GMPPA: variants seen among roughly 807,000 people sequenced by gnomAD.
GMPPA encodes mannose-1-phosphate guanylyltransferase regulatory subunit alpha.
A neutral mutation model predicts 58.6 loss-of-function variants in GMPPA; 46 were observed. The ratio of observed to expected loss-of-function variants is 0.78; its 90% CI spans 0.62 to 1.00. The LOEUF (loss-of-function observed/expected upper bound fraction) is 1.00. GMPPA is among the 50% of genes least tolerant of loss of function. GMPPA has a pLI of 0.00. For synonymous variants in GMPPA, 211 were observed against 214.9 expected (o/e 0.98, Z 0.16); for missense variants, 468 against 556.4 (o/e 0.84, Z 1.60).
chr2:219,500,321 G>A lies in GMPPA; in HGVS notation c.138+103G>A, dbSNP rs1446932397. On this transcript the variant is annotated intron_variant, in intron 3 of 12. Transcript: ENST00000313597. Reference sequence around the variant, plus strand: ...TCTTCCCACCAGGCATAACTCCAAGGACCATCATTCACAGATGACAATGTG... The same window carrying A: ...TCTTCCCACCAGGCATAACTCCAAGAACCATCATTCACAGATGACAATGTG... 6 of 727,472 alleles carry A rather than the reference G, an allele frequency of 8.2e-6. No individual in the cohort carries two copies. The African/African-American group carries it at 1.0e-4, about 13-fold the overall frequency. The allele number at this position is 727,472 out of a possible 1,614,324, so 45.1% of individuals were successfully genotyped here.
Position 219,505,962 on chromosome 2 carries a change from G to A in GMPPA, c.901-18G>A, listed in dbSNP as rs780025515. ...TCCAAGTCCCTCCAGGGCTTATGGT[G>A]TGTGCTTCTCTCCACAGCTGGGCCC... On this transcript the variant is annotated intron_variant, in intron 10 of 12. Transcript: ENST00000313597. 2 of 1,523,512 alleles carry A rather than the reference G, an allele frequency of 1.3e-6. No homozygotes were observed. The highest frequency in any genetic ancestry group is 1.2e-5 in the South Asian group (1 of 83,292). The allele number at this position is 1,523,512 out of a possible 1,614,324, so 94.4% of individuals were successfully genotyped here.
chr2:219,499,935 T>G lies in GMPPA; in HGVS notation c.-20-21T>G, dbSNP rs764328707. The G allele has an allele frequency of 2.5e-6, 4 of 1,600,840 alleles. No homozygotes were observed. The South Asian group carries it at 4.4e-5, about 18-fold the overall frequency. On this transcript the variant is annotated intron_variant, in intron 1 of 12. Transcript: ENST00000313597. ...GTTGGGGTAGGAGATCTGAGCTTGA[T>G]TTCTCTGTTGGAATTTGAAGTTTAG...
chr2:219,502,390 G>A lies in GMPPA; in HGVS notation c.438G>A (p.Arg146=). 6.2e-7 allele frequency: 1 copy of A among 1,613,934 alleles called. No homozygotes were observed. Residue 146 remains arginine, a synonymous_variant, in exon 6 of 13, where the codon AGG becomes AGA. Transcript: ENST00000313597. This position sits in a 1 kb window ranked among gnomAD's most constrained non-coding sequence, Gnocchi z 4.0. ...GTGTGTCTGTCTTTCAGGCTAACAGGACGCAATCCCTCAACTACGGCTGCA... is the reference window on the plus strand; with the variant it reads ...GTGTGTCTGTCTTTCAGGCTAACAGAACGCAATCCCTCAACTACGGCTGCA... ...PFLLLGTTAN[R]TQSLNYGCIV...
intron 3 of GMPPA, 27 bp from the exon 4 acceptor site, chr2:219,501,449 C>T (rs757238942): frequency 1.3e-5 from 17 of 1,272,204 alleles, no homozygotes; most frequent in Non-Finnish European, 2.0e-5. Flanking sequence ...AGATATTCTT[C>T]ATCCCAGCCT....
rs751572573 is a variant in GMPPA, at chr2:219,506,382, C to A, written c.1122C>A (p.Leu374=). 6.2e-7 allele frequency: 1 copy of A among 1,613,496 alleles called. No individual in the cohort carries two copies. Among genetic ancestry groups the A allele is most frequent in the Non-Finnish European group, 8.5e-7 (1 of 1,179,962 alleles). Residue 374 remains leucine, a synonymous_variant, in exon 12 of 13, where the codon CTC becomes CTA. Transcript: ENST00000313597. The stretch of plus-strand genomic sequence containing the variant: ...GAGCCCGCATGGACAGTGAGAGCCT[C>A]TTCAAGGACGGGAAGCTGCTGCCTG... The part of the protein sequence containing the change: ...DPRARMDSES[L]FKDGKLLPAI...
At chr2:219,500,911 T>TACCCCACCA (rs1694367118) in intron 3 of GMPPA, 2 of 154,368 alleles carry the variant, frequency 1.3e-5, no homozygotes, top group Admixed American at 6.3e-5. Flanking sequence ...TTCAGGTTGG[T>TACCCCACCA]GGGGGTAATA....
At chr2:219,500,278 C>A in intron 3 of GMPPA, 60 bp downstream of exon 3, 2 of 920,764 alleles carry the variant, frequency 2.2e-6, no homozygotes, top group Non-Finnish European at 1.7e-6. Context: ...GCTGTTTCCC[C>A]CTTTCCCAAC....
intron 6 of GMPPA, 30 bp from the exon 7 acceptor site, chr2:219,504,053 T>C: frequency 6.2e-7 from 1 of 1,613,546 alleles, no homozygotes. Context: ...AGTCCCTTCT[T>C]CTACTGAACC....
At chr2:219,501,802 A>T in intron 4 of GMPPA, 49 bp from the exon 5 acceptor site, 1 of 1,552,432 alleles carries the variant, frequency 6.4e-7, no homozygotes, top group Non-Finnish European at 8.9e-7. Flanking sequence ...GGCTCATGGT[A>T]TCTGTTTCCT....
intron 7 of GMPPA, 182 bp downstream of exon 7, chr2:219,504,395 TC>T: frequency 1.6e-6 from 1 of 606,332 alleles, no homozygotes; most frequent in Non-Finnish European, 2.9e-6. Flanking sequence ...CTGTCCCTCT[TC>T]CTTATCCATC....
chr2:219,500,907 TTGG>T (rs1694366634), intron 3 of GMPPA: 2 of 154,664 alleles, frequency 1.3e-5, no homozygotes, highest in Admixed American at 6.3e-5. Flanking sequence ...CCAGTTCAGG[TTGG>T]TGGGGGTAAT....
chr2:219,501,830 C>G, intron 4 of GMPPA, 21 bp from the exon 5 acceptor site: 1 of 1,611,062 alleles, frequency 6.2e-7, no homozygotes, highest in South Asian at 1.1e-5. Context: ...ACTGAGCTGG[C>G]TCTCGGGTCC....
chr2:219,505,188 C>T (rs777318631), intron 7 of GMPPA, 40 bp from the exon 8 acceptor site: 40 of 1,605,992 alleles, frequency 2.5e-5, no homozygotes, highest in Middle Eastern at 3.3e-4. Flanking sequence ...AGTCGGGGCT[C>T]AGCTGGGGGA....
intron 12 of GMPPA, 25 bp from the exon 13 acceptor site, chr2:219,506,673 C>T (rs1694605799): frequency 7.2e-7 from 1 of 1,382,568 alleles, no homozygotes. Context: ...CATGACCTCC[C>T]CTGGTGCCCT....
Position 219,502,161 on chromosome 2 carries a change from A to C in GMPPA, c.429+124A>C, listed in dbSNP as rs1694421380. ...TGTGGGAGCTGGCGTCAGGAGGGAG[A>C]TGCGCTGCTCTGGCAGCATGGAGGT... On this transcript the variant is annotated intron_variant, in intron 5 of 12. Coordinates refer to ENST00000313597, the MANE Select transcript of GMPPA (RefSeq NM_013335.4). This position sits in a 1 kb window ranked among gnomAD's most constrained non-coding sequence, Gnocchi z 4.0. 1 of 1,005,484 alleles carries C rather than the reference A, an allele frequency of 9.9e-7. No homozygotes were observed. The highest frequency in any genetic ancestry group is 1.4e-5 in the South Asian group (1 of 69,610). 62.3% of individuals were successfully genotyped at this position (1,005,484 alleles called of 1,614,324 possible).
intron 3 of GMPPA, 124 bp downstream of exon 3, chr2:219,500,342 A>G (rs1694347597): frequency 1.5e-6 from 1 of 683,562 alleles, no homozygotes; most frequent in Non-Finnish European, 2.7e-6. Flanking sequence ...ACAGATGACA[A>G]TGTGAATGGC....
At chr2:219,506,546 G>T in intron 12 of GMPPA, 124 bp downstream of exon 12, 1 of 1,108,098 alleles carries the variant, frequency 9.0e-7, no homozygotes, top group Non-Finnish European at 1.3e-6. Context: ...CCAAGGGCCT[G>T]CTGTGTGCCA....
At chr2:219,499,935 T>C in intron 1 of GMPPA, 21 bp from the exon 2 acceptor site, 3 of 1,600,840 alleles carry the variant, frequency 1.9e-6, no homozygotes, top group Non-Finnish European at 2.6e-6. Flanking sequence ...CTGAGCTTGA[T>C]TTCTCTGTTG....
chr2:219,505,738 G>C lies in GMPPA; in HGVS notation c.877G>C (p.Ala293Pro). The change falls in exon 10 of 13, where the codon GCC (alanine) becomes CCC (proline). Residue 293 changes from alanine (A) to proline (P), a missense_variant. Coordinates refer to ENST00000313597, the MANE Select transcript of GMPPA (RefSeq NM_013335.4). ...AGGGAATGTGTACATCCACCCGACC[G>C]CCAAGGTGGCCCCCTCGGCTGTGGT... ...IRGNVYIHPT[A>P]KVAPSAVLGP... 6.2e-7 allele frequency: 1 copy of C among 1,609,832 alleles called. No homozygotes were observed.
Sources: allele counts gnomAD v4.1 joint callset, GRCh38; gene constraint gnomAD v4.1.1; non-coding constraint Gnocchi (gnomAD v3.1); transcripts MANE v1.5; gene names NCBI Gene and HGNC (gene_info 2026-07-23, HGNC 2026-07-21).